ERC1: variants seen among roughly 807,000 people sequenced by gnomAD.
ERC1 encodes the protein RAB6 interacting protein 2.
Under a neutral mutation model 132.0 loss-of-function variants are expected in ERC1, and 56 were observed. The observed-to-expected ratio is 0.42, with a 90% CI of 0.34 to 0.53. ERC1 has a LOEUF of 0.53. Among genes scored for constraint, ERC1 ranks in the 20% least tolerant of loss-of-function variants. The pLI, the probability that ERC1 is intolerant of heterozygous loss-of-function variation, is 0.03. For missense variants in ERC1, 1,202 were observed against 1,349.9 expected (o/e 0.89, Z 1.72); for synonymous variants, 478 against 476.1 (o/e 1.00, Z -0.05).
intron 9 of ERC1, among the ~76,000 whole-genome samples, chr12:1,181,634 A>C (rs576336002): frequency 4.0e-4 from 61 of 152,184 alleles, no homozygotes; most frequent in African/African-American, 1.4e-3. Flanking sequence ...CCCTGTCTCT[A>C]CTAAAAATAC....
At chr12:1,273,769 G>A (rs910987475) in intron 14 of ERC1, among the ~76,000 whole-genome samples, 3 of 148,276 alleles carry the variant, frequency 2.0e-5, no homozygotes, top group African/African-American at 7.9e-5. Context: ...TCAGTCAGAT[G>A]GACAGACAGA....
chr12:1,274,629 A>G (rs938061250), intron 14 of ERC1, among the ~76,000 whole-genome samples: 1 of 151,918 alleles, frequency 6.6e-6, no homozygotes, highest in African/African-American at 2.4e-5. Context: ...GGTAGCTGGG[A>G]TTACAGGCAT....
At position 1,490,309 on chromosome 12, in the gene ERC1, C is replaced by G; in HGVS notation, c.*79C>G. The G allele has an allele frequency of 1.4e-6, 2 of 1,412,404 alleles. No homozygotes were observed. The highest frequency in any genetic ancestry group is 1.9e-6 in the Non-Finnish European group (2 of 1,031,232). 87.5% of individuals were successfully genotyped at this position (1,412,404 alleles called of 1,614,324 possible). A position where few individuals can be genotyped will look rare whatever the true frequency, so the allele number is the denominator to read the frequency against. On this transcript the variant is annotated 3_prime_UTR_variant, in exon 19 of 19. Coordinates refer to ENST00000360905, the MANE Select transcript of ERC1 (RefSeq NM_178040.4). Reference sequence around the variant, plus strand: ...ACTACGAGGAACAGGTGCCCGGAACCTTCTTGGCACCAAACACTACAAACT... The same window carrying G: ...ACTACGAGGAACAGGTGCCCGGAACGTTCTTGGCACCAAACACTACAAACT...
At chr12:993,618 T>G (rs1026964027) in intron 1 of ERC1, among the ~76,000 whole-genome samples, 1 of 152,190 alleles carries the variant, frequency 6.6e-6, no homozygotes, top group Non-Finnish European at 1.5e-5. Context: ...AAGTGAAGGT[T>G]CTTGGCCGGG....
At chr12:1,174,214 C>T (rs182593415) in intron 8 of ERC1, among the ~76,000 whole-genome samples, 198 of 152,368 alleles carry the variant, frequency 1.3e-3, no homozygotes, top group Middle Eastern at 3.4e-3. Context: ...AGTGCTTACA[C>T]AGCTGGTTTG....
intron 15 of ERC1, among the ~76,000 whole-genome samples, chr12:1,331,004 A>C (rs991864486): frequency 2.6e-5 from 4 of 152,076 alleles, no homozygotes; most frequent in African/African-American, 9.7e-5. Context: ...TATTTGTTAA[A>C]TTTTTTATTG....
intron 7 of ERC1, among the ~76,000 whole-genome samples, chr12:1,129,732 CTT>C (rs1237198125): frequency 6.6e-6 from 1 of 151,892 alleles, no homozygotes; most frequent in Non-Finnish European, 1.5e-5. Context: ...AGAAGAAAGA[CTT>C]TTACTTTCAG....
chr12:1,392,557 A>T (rs2090062888), intron 16 of ERC1, among the ~76,000 whole-genome samples: 1 of 152,154 alleles, frequency 6.6e-6, no homozygotes, highest in South Asian at 2.1e-4. Context: ...TTGAGCTTTG[A>T]TGTCTAGTAT....
chr12:1,181,539 C>T (rs1424120103), intron 9 of ERC1, among the ~76,000 whole-genome samples: 2 of 152,092 alleles, frequency 1.3e-5, no homozygotes, highest in Non-Finnish European at 2.9e-5. Context: ...TGACTCACAC[C>T]TGTAGTCTTA....
intron 17 of ERC1, among the ~76,000 whole-genome samples, chr12:1,417,122 C>T (rs2092156855): frequency 2.0e-5 from 3 of 152,162 alleles, no homozygotes; most frequent in Non-Finnish European, 2.9e-5. Flanking sequence ...TGTTTGACCT[C>T]GGCACACCAC....
chr12:1,394,034 CAAA>C (rs1298602508), intron 16 of ERC1, among the ~76,000 whole-genome samples: 1 of 45,286 alleles, frequency 2.2e-5, no homozygotes, highest in Admixed American at 1.9e-4. Flanking sequence ...AAAAAAAAAA[CAAA>C]AAAAAAACCA....
chr12:1,339,912 G>GA (rs1172640015), intron 15 of ERC1, among the ~76,000 whole-genome samples: 1 of 152,184 alleles, frequency 6.6e-6, no homozygotes, highest in Non-Finnish European at 1.5e-5. Flanking sequence ...AGCAGAAGGG[G>GA]AACAGGTGGT....
At chr12:1,402,454 C>T (rs1295915770) in intron 16 of ERC1, among the ~76,000 whole-genome samples, 3 of 149,222 alleles carry the variant, frequency 2.0e-5, no homozygotes, top group Non-Finnish European at 4.5e-5. Context: ...CGCTTGAACC[C>T]GGAGGTTGTA....
chr12:1,420,742 A>AC (rs935135727), intron 17 of ERC1, among the ~76,000 whole-genome samples: 3 of 152,126 alleles, frequency 2.0e-5, no homozygotes, highest in Non-Finnish European at 2.9e-5. Flanking sequence ...GGCATGAGCC[A>AC]CCATGCCTGG....
intron 15 of ERC1, among the ~76,000 whole-genome samples, chr12:1,355,698 C>A (rs960436932): frequency 6.6e-6 from 1 of 152,166 alleles, no homozygotes; most frequent in East Asian, 1.9e-4. Flanking sequence ...ATTCCTCTTG[C>A]TCTGATCGTC....
chr12:1,164,814 A>C (rs115073477), intron 8 of ERC1, among the ~76,000 whole-genome samples: 1,998 of 152,282 alleles, frequency 0.013, 60 homozygotes, highest in African/African-American at 0.045. Context: ...AGGGGTTGGA[A>C]ATCAAAGAGT....
chr12:1,295,384 A>G (rs2079839836), intron 15 of ERC1, among the ~76,000 whole-genome samples: 1 of 152,124 alleles, frequency 6.6e-6, no homozygotes, highest in Non-Finnish European at 1.5e-5. Flanking sequence ...CAGTATACTG[A>G]GGAGAAGTTG....
chr12:1,111,153 AATATG>A (rs1945814788), intron 5 of ERC1, among the ~76,000 whole-genome samples: 1 of 152,180 alleles, frequency 6.6e-6, no homozygotes, highest in Admixed American at 6.5e-5. Context: ...CTTCAGGCGT[AATATG>A]ACAAAGATTG....
chr12:1,202,177 T>C (rs915171631), intron 12 of ERC1, among the ~76,000 whole-genome samples: 9 of 152,186 alleles, frequency 5.9e-5, no homozygotes, highest in Non-Finnish European at 1.3e-4. Context: ...TTACAAAGCT[T>C]TTTGTAGTCA....
Sources: allele counts gnomAD v4.1 joint callset (sites outside exome capture counted in the v4.1 genomes callset), GRCh38; gene constraint gnomAD v4.1.1; transcripts MANE v1.5; gene names NCBI Gene and HGNC (gene_info 2026-07-23, HGNC 2026-07-21).